The following RFX4 variants were observed in gnomAD, a reference collection of about 807,000 sequenced individuals.
RFX4 encodes the protein regulatory factor X4, also known as transcription factor RFX4.
Under a neutral mutation model 95.0 loss-of-function variants are expected in RFX4, and 10 were observed. The observed-to-expected ratio is 0.11, with a 90% CI of 0.06 to 0.18. The LOEUF (loss-of-function observed/expected upper bound fraction) is 0.18, where lower values mean the gene tolerates loss of function less well. Ranked by LOEUF, RFX4 falls within the 10% of genes least tolerant of loss-of-function variation. The pLI is 1.00. For synonymous variants in RFX4, 321 were observed against 340.7 expected, an observed-to-expected ratio of 0.94 and a Z score of 0.64; for missense variants, 640 against 922.0, an observed-to-expected ratio of 0.69 and a Z score of 3.96.
At chr12:106,672,238 C>T (rs961167105) in intron 4 of RFX4, among the ~76,000 whole-genome samples, 6 of 152,152 alleles carry the variant, frequency 3.9e-5, no homozygotes, top group Admixed American at 2.0e-4. Context: ...GGGAGGAGAA[C>T]GGACAGGGGA....
chr12:106,708,390 A>G (rs1443565148), intron 8 of RFX4, among the ~76,000 whole-genome samples: 2 of 151,120 alleles, frequency 1.3e-5, no homozygotes, highest in Non-Finnish European at 2.9e-5. Context: ...ACCCGCTGGC[A>G]GGGAGGAGAG....
rs533046291 is a variant in RFX4, at chr12:106,729,559, G to A, written c.1352-2571G>A. 1.2e-4 allele frequency among the ~76,000 whole-genome samples: 18 copies of A among 152,290 alleles called. No individual in the cohort carries two copies. In the East Asian group the frequency reaches 2.9e-3, roughly 24 times the overall value. On this transcript the variant is annotated intron_variant, in intron 13 of 17. Coordinates refer to ENST00000392842, the MANE Select transcript of RFX4 (RefSeq NM_213594.3). ...TCAAGTCTTGGTTCTGCCGCTTAAT[G>A]ACTGTGTGACATTAGACAGCTACTT... is the stretch of plus-strand genomic sequence containing the variant.
At chr12:106,734,533 T>C (rs373565438) in intron 15 of RFX4, among the ~76,000 whole-genome samples, 5 of 151,192 alleles carry the variant, frequency 3.3e-5, no homozygotes, top group African/African-American at 1.2e-4. Context: ...GAGGTGGAGG[T>C]TGCAGTGAGC....
chr12:106,752,256 G>A (rs1216605613), intron 17 of RFX4, among the ~76,000 whole-genome samples: 2 of 150,306 alleles, frequency 1.3e-5, no homozygotes, highest in African/African-American at 2.5e-5. Context: ...GTAGATATGC[G>A]GCGTTATTTC....
chr12:106,666,199 A>T (rs1445852336), intron 4 of RFX4, among the ~76,000 whole-genome samples: 3 of 151,816 alleles, frequency 2.0e-5, no homozygotes, highest in Non-Finnish European at 4.4e-5. Flanking sequence ...TAAATATTTC[A>T]TTTCACTCTC....
At chr12:106,671,727 T>C (rs569031368) in intron 4 of RFX4, among the ~76,000 whole-genome samples, 17 of 152,274 alleles carry the variant, frequency 1.1e-4, no homozygotes. Context: ...AGTGGCATGA[T>C]CTTGGCTCAC....
chr12:106,707,474 A>C (rs1435445666), intron 8 of RFX4, among the ~76,000 whole-genome samples: 1 of 152,102 alleles, frequency 6.6e-6, no homozygotes, highest in East Asian at 1.9e-4. Context: ...AGAGGGCAGG[A>C]GTTTTGTGAC....
chr12:106,703,180 T>A (rs577045550), intron 8 of RFX4, among the ~76,000 whole-genome samples: 2 of 152,352 alleles, frequency 1.3e-5, no homozygotes, highest in South Asian at 4.1e-4. Context: ...TGCCTTTCTT[T>A]CCATAAATTC....
chr12:106,603,896 C>A (rs1013230202), intron 1 of RFX4, among the ~76,000 whole-genome samples: 58 of 152,144 alleles, frequency 3.8e-4, no homozygotes, highest in Admixed American at 1.3e-4. Flanking sequence ...ACCTGCCACA[C>A]AATAGGAGCT....
chr12:106,752,130 G>C (rs2043018584), intron 17 of RFX4, among the ~76,000 whole-genome samples: 1 of 151,146 alleles, frequency 6.6e-6, no homozygotes, highest in African/African-American at 2.4e-5. Flanking sequence ...CGTAAGGAAG[G>C]GATCCAGTTT....
In RFX4 at chr12:106,597,674, T is replaced by A. The variant is rs148500641; in HGVS notation, c.44-11123T>A. 4.3e-4 allele frequency among the ~76,000 whole-genome samples: 66 copies of A among 152,284 alleles called. 2 individuals are homozygous for A. Among genetic ancestry groups the A allele is most frequent in the African/African-American group, 1.5e-3 (63 of 41,576 alleles). ...TCTAGCAGTTTGGCTCGCCAGTCCATGGTCTTAACTATTATACTGACATTA... is the reference window on the plus strand; with the variant it reads ...TCTAGCAGTTTGGCTCGCCAGTCCAAGGTCTTAACTATTATACTGACATTA... On this transcript the variant is annotated intron_variant, in intron 1 of 17. Transcript: ENST00000392842.
At chr12:106,752,923 A>T (rs2043036740) in intron 17 of RFX4, among the ~76,000 whole-genome samples, 1 of 151,972 alleles carries the variant, frequency 6.6e-6, no homozygotes, top group Non-Finnish European at 1.5e-5. Flanking sequence ...CTGCATCCTA[A>T]GTATCTCTGT....
At chr12:106,744,250 T>C (rs2042854876) in intron 15 of RFX4, among the ~76,000 whole-genome samples, 1 of 152,198 alleles carries the variant, frequency 6.6e-6, no homozygotes, top group Non-Finnish European at 1.5e-5. Flanking sequence ...AAAGTCATTA[T>C]CTTTTGGGGG....
chr12:106,653,844 G>T (rs1262883779), intron 3 of RFX4, among the ~76,000 whole-genome samples: 1 of 152,174 alleles, frequency 6.6e-6, no homozygotes, highest in Non-Finnish European at 1.5e-5. Context: ...TGTTACAAAT[G>T]GCTCCTCAAG....
At chr12:106,759,414 GC>G (rs1199819512) in intron 17 of RFX4, among the ~76,000 whole-genome samples, 1 of 152,200 alleles carries the variant, frequency 6.6e-6, no homozygotes, top group Non-Finnish European at 1.5e-5. Context: ...ACCAGGTGGG[GC>G]AAGCAACCTT....
At chr12:106,587,296 C>T (rs966664176) in intron 1 of RFX4, among the ~76,000 whole-genome samples, 3 of 152,184 alleles carry the variant, frequency 2.0e-5, no homozygotes, top group Admixed American at 1.3e-4. Context: ...CTCCCGCCCC[C>T]GTCCCCAGCG....
chr12:106,636,496 C>CA (rs1405450194), intron 2 of RFX4, among the ~76,000 whole-genome samples: 4 of 151,878 alleles, frequency 2.6e-5, no homozygotes, highest in African/African-American at 9.7e-5. Flanking sequence ...GAGTTAGGAT[C>CA]AATGATTGAT....
At chr12:106,627,418 C>T (rs571349985) in intron 2 of RFX4, among the ~76,000 whole-genome samples, 2 of 152,180 alleles carry the variant, frequency 1.3e-5, no homozygotes, top group South Asian at 4.2e-4. Context: ...ACCTGTAATC[C>T]CAGCTACTTG....
At chr12:106,652,322 T>C (rs1469057320) in intron 3 of RFX4, among the ~76,000 whole-genome samples, 1 of 152,244 alleles carries the variant, frequency 6.6e-6, no homozygotes, top group African/African-American at 2.4e-5. Flanking sequence ...ATCTGTTCAC[T>C]GTATGCAAGC....
Sources: gnomAD v4.1 joint callset for allele counts (sites outside exome capture counted in the v4.1 genomes callset) on GRCh38, gnomAD v4.1.1 for gene constraint, MANE v1.5 for transcripts, NCBI Gene and HGNC (gene_info 2026-07-23, HGNC 2026-07-21) for gene names.